Variants in FEZ1 observed in about 807,000 individuals in gnomAD.
The protein encoded by FEZ1 is fasciculation and elongation protein zeta-1.
A neutral mutation model predicts 49.3 loss-of-function variants in FEZ1; 20 were observed. That is an observed-to-expected ratio of 0.41 (90% confidence interval 0.29 to 0.59). FEZ1 has a LOEUF of 0.59. FEZ1 is among the 20% of genes least tolerant of loss of function. FEZ1 has a pLI of 0.36. For synonymous variants in FEZ1, 170 were observed against 180.9 expected (o/e 0.94, Z 0.48); for missense variants, 413 against 476.0 (o/e 0.87, Z 1.23).
At chr11:125,460,737 CA>C in intron 4 of FEZ1, 71 bp from the exon 5 acceptor site, 1 of 1,392,986 alleles carries the variant, frequency 7.2e-7, no homozygotes, top group Non-Finnish European at 1.0e-6. Context: ...GAATTTTGAT[CA>C]GTTAAGGATG....
At chr11:125,483,862 G>C (rs1011602308) in intron 2 of FEZ1, among the ~76,000 whole-genome samples, 1 of 152,224 alleles carries the variant, frequency 6.6e-6, no homozygotes, top group African/African-American at 2.4e-5. Flanking sequence ...AAAGTGATAA[G>C]CAGGGGCTCT....
chr11:125,449,504 G>T (rs1405353485), intron 8 of FEZ1, among the ~76,000 whole-genome samples: 1 of 147,056 alleles, frequency 6.8e-6, no homozygotes, highest in East Asian at 2.0e-4. Flanking sequence ...AGTTATCAGT[G>T]AAGAAAGGTT....
At chr11:125,493,429 AGAAG>A (rs1957412823) in intron 1 of FEZ1, among the ~76,000 whole-genome samples, 1 of 35,466 alleles carries the variant, frequency 2.8e-5, no homozygotes, top group Non-Finnish European at 4.8e-5. Flanking sequence ...AAAGAAGGAA[AGAAG>A]GAAAGAAGGA....
In FEZ1 at chr11:125,489,114, T is replaced by C. The variant is rs1371743030; in HGVS notation, c.311+353A>G. ...TCCAATAACATAGATTCATCCATCA[T>C]GGTTAATTAATTTTTTCTGGCCTTT... On this transcript the variant is annotated intron_variant, in intron 2 of 9. Coordinates refer to ENST00000278919, the MANE Select transcript of FEZ1 (RefSeq NM_005103.5). This position sits in a 1 kb window ranked among gnomAD's most constrained non-coding sequence, Gnocchi z 4.2. 7.0e-6 allele frequency: 7 copies of C among 998,514 alleles called. No homozygotes were observed. Among genetic ancestry groups the C allele is most frequent in the African/African-American group, 1.7e-5 (1 of 57,882 alleles). 61.9% of individuals were successfully genotyped at this position (998,514 alleles called of 1,614,324 possible).
At chr11:125,469,335 T>C (rs1191637631) in intron 3 of FEZ1, among the ~76,000 whole-genome samples, 2 of 152,218 alleles carry the variant, frequency 1.3e-5, no homozygotes, top group African/African-American at 4.8e-5. Context: ...CTCAGCTCAC[T>C]GCAACCTCTG....
intron 3 of FEZ1, among the ~76,000 whole-genome samples, chr11:125,464,565 A>G (rs181365182): frequency 6.4e-4 from 98 of 152,246 alleles, no homozygotes; most frequent in East Asian, 4.3e-3. Flanking sequence ...TGCCTTTTCT[A>G]ACAGGAAACA....
chr11:125,478,004 A>T (rs1957247122), intron 3 of FEZ1, among the ~76,000 whole-genome samples: 1 of 152,216 alleles, frequency 6.6e-6, no homozygotes, highest in African/African-American at 2.4e-5. Context: ...TAACTTTTTA[A>T]ACTATGTAGA....
chr11:125,471,850 C>T (rs563432803), intron 3 of FEZ1, among the ~76,000 whole-genome samples: 2 of 152,102 alleles, frequency 1.3e-5, no homozygotes, highest in African/African-American at 2.4e-5. Context: ...TTCACTAAGA[C>T]GTACCATATG....
Position 125,444,172 on chromosome 11 carries a change from A to G in FEZ1, c.*1923T>C, listed in dbSNP as rs1291644088. Among the ~76,000 whole-genome samples, 1 of 152,134 alleles carries G rather than the reference A, an allele frequency of 6.6e-6. No individual in the cohort carries two copies. Among genetic ancestry groups the G allele is most frequent in the Middle Eastern group, 3.2e-3 (1 of 314 alleles). On this transcript the variant is annotated 3_prime_UTR_variant, in exon 10 of 10. Coordinates refer to ENST00000278919, the MANE Select transcript of FEZ1 (RefSeq NM_005103.5). ...TCCTGTGGCAGCCGGGGCTCTATCT[A>G]TGGAGAAGCTCTGCTCTGGGCAGAT...
At position 125,455,939 on chromosome 11, in the gene FEZ1, T is replaced by C; in HGVS notation, c.835A>G (p.Asn279Asp). The change falls in exon 6 of 10, where the codon AAC (asparagine) becomes GAC (aspartate). Residue 279 changes from asparagine to aspartate, a missense_variant. Transcript: ENST00000278919. ...AGTTCTCGCTGCTCCTTCTGCTTGTTCTGAACCTCAATAAGCACCGTGATA... is the reference window on the plus strand; with the variant it reads ...AGTTCTCGCTGCTCCTTCTGCTTGTCCTGAACCTCAATAAGCACCGTGATA... Reference protein sequence around the residue: ...SFITVLIEVQNKQKEQRELMK... With the variant: ...SFITVLIEVQDKQKEQRELMK... The C allele has an allele frequency of 1.9e-6, 3 of 1,613,468 alleles. No individual in the cohort carries two copies. Among genetic ancestry groups the C allele is most frequent in the Non-Finnish European group, 2.5e-6 (3 of 1,179,910 alleles).
intron 4 of FEZ1, 154 bp downstream of exon 4, chr11:125,463,330 A>C: frequency 1.8e-6 from 1 of 554,370 alleles, no homozygotes; most frequent in East Asian, 3.1e-5. Context: ...ATAAAGAAAA[A>C]AAAGAAACAA....
chr11:125,472,687 TAGAG>T (rs770890641), intron 3 of FEZ1, among the ~76,000 whole-genome samples: 3 of 152,022 alleles, frequency 2.0e-5, no homozygotes, highest in African/African-American at 7.2e-5. Flanking sequence ...AAAGTAGAGA[TAGAG>T]AGGATAATTT....
chr11:125,448,142 G>C (rs1311243951), intron 9 of FEZ1, among the ~76,000 whole-genome samples: 1 of 152,218 alleles, frequency 6.6e-6, no homozygotes, highest in Non-Finnish European at 1.5e-5. Flanking sequence ...AAAGGGTGTA[G>C]TCAATTATGT....
chr11:125,451,642 G>A (rs964347497), intron 8 of FEZ1: 2 of 152,170 alleles, frequency 1.3e-5, no homozygotes, highest in Non-Finnish European at 2.9e-5. Context: ...GATTTTTCTC[G>A]TCCTAAGAGG....
At chr11:125,483,016 G>C (rs1256732090) in intron 2 of FEZ1, among the ~76,000 whole-genome samples, 1 of 107,700 alleles carries the variant, frequency 9.3e-6, no homozygotes, top group African/African-American at 3.4e-5. Flanking sequence ...TAAAATATTA[G>C]ATAATGATAA....
chr11:125,482,628 C>T (rs1470838241), intron 2 of FEZ1, among the ~76,000 whole-genome samples: 1 of 151,904 alleles, frequency 6.6e-6, no homozygotes, highest in East Asian at 1.9e-4. Flanking sequence ...GTAAACAAAG[C>T]CCTTAAGATA....
At chr11:125,472,938 T>C (rs546051001) in intron 3 of FEZ1, among the ~76,000 whole-genome samples, 100 of 152,292 alleles carry the variant, frequency 6.6e-4, no homozygotes, top group African/African-American at 2.3e-3. Flanking sequence ...GTCTGTAGAT[T>C]CTACACAATC....
In FEZ1 at chr11:125,472,012, C is replaced by G. The variant is rs372722931; in HGVS notation, c.412-8442G>C. On this transcript the variant is annotated intron_variant, in intron 3 of 9. Coordinates refer to ENST00000278919, the MANE Select transcript of FEZ1 (RefSeq NM_005103.5). ...ATTCAGCAGCAAACTGCCAAATAAC[C>G]TATGGGTTAAAGAAGAAATTGCAAG... is the stretch of plus-strand genomic sequence containing the variant. Among the ~76,000 whole-genome samples, 61 of 152,106 alleles carry G rather than the reference C, an allele frequency of 4.0e-4. No homozygotes were observed. In the South Asian group the frequency reaches 7.3e-3, roughly 18 times the overall value.
rs796507357 is a variant in FEZ1 at position 125,449,441 on chromosome 11, A to AAAAAAAAAAAAAAAAAAAAAAAAAAAG, written c.1097-875_1097-874insCTTTTTTTTTTTTTTTTTTTTTTTTTT. ...ATAAAAAAAAAAAAAAAAAAAAAAA[A>AAAAAAAAAAAAAAAAAAAAAAAAAAAG]AAGAAGAAGAGGAAGAAAAGAAAAA... On this transcript the variant is annotated intron_variant, in intron 8 of 9. Coordinates refer to ENST00000278919, the MANE Select transcript of FEZ1 (RefSeq NM_005103.5). Among the ~76,000 whole-genome samples, 20 of 128,250 alleles carry AAAAAAAAAAAAAAAAAAAAAAAAAAAG rather than the reference A, an allele frequency of 1.6e-4. 1 individual carries two copies. Among genetic ancestry groups the AAAAAAAAAAAAAAAAAAAAAAAAAAAG allele is most frequent in the East Asian group, 2.8e-4 (1 of 3,516 alleles). The allele number at this position is 128,250 out of a possible 152,430, so 84.1% of individuals were successfully genotyped here.
Sources: gnomAD v4.1 joint callset for allele counts (sites outside exome capture counted in the v4.1 genomes callset) on GRCh38, gnomAD v4.1.1 for gene constraint, Gnocchi (gnomAD v3.1) non-coding constraint, MANE v1.5 for transcripts, NCBI Gene and HGNC (gene_info 2026-07-23, HGNC 2026-07-21) for gene names.